Variants in PCNX1 observed in about 807,000 individuals in gnomAD.
PCNX1 encodes the protein pecanex-like protein 1.
A neutral mutation model predicts 242.2 loss-of-function variants in PCNX1; 78 were observed. The ratio of observed to expected loss-of-function variants is 0.32; its 90% CI spans 0.27 to 0.39. The LOEUF is 0.39. PCNX1 is among the 10% of genes least tolerant of loss of function. The pLI, the probability that PCNX1 is intolerant of heterozygous loss-of-function variation, is 1.00. For missense variants in PCNX1, 2,581 were observed against 2,856.5 expected (o/e 0.90, Z 2.20); for synonymous variants, 1,024 against 1,032.9 (o/e 0.99, Z 0.17).
At chr14:71,005,406 G>A (rs2059626267) in intron 8 of PCNX1, among the ~76,000 whole-genome samples, 1 of 152,048 alleles carries the variant, frequency 6.6e-6, no homozygotes, top group South Asian at 2.1e-4. Flanking sequence ...TACTCAGGAA[G>A]CTGAGGTGGG....
chr14:71,098,294 GT>G, intron 30 of PCNX1, among the ~76,000 whole-genome samples: 1 of 152,194 alleles, frequency 6.6e-6, no homozygotes, highest in South Asian at 2.1e-4. Context: ...AATTTTAGGA[GT>G]TTTTTCTAAT....
At chr14:70,964,781 C>G (rs969594804) in intron 3 of PCNX1, among the ~76,000 whole-genome samples, 1 of 152,180 alleles carries the variant, frequency 6.6e-6, no homozygotes, top group Admixed American at 6.5e-5. Context: ...TTGTTAAACA[C>G]ACAGCATACC....
intron 21 of PCNX1, among the ~76,000 whole-genome samples, 200 bp downstream of exon 21, chr14:71,047,305 C>T (rs937731571): frequency 2.0e-5 from 3 of 152,064 alleles, no homozygotes; most frequent in African/African-American, 7.2e-5. Flanking sequence ...CTCCAGACAT[C>T]TCATTGTCAA....
rs1011323612 is a variant in PCNX1 at position 70,979,830 on chromosome 14, C to G, written c.2311+1182C>G. 1.1e-4 allele frequency among the ~76,000 whole-genome samples: 17 copies of G among 152,098 alleles called. No individual in the cohort carries two copies. In the East Asian group the frequency reaches 2.9e-3, roughly 26 times the overall value. Reference sequence around the variant, plus strand: ...TCTAATGGGAACGTAAAGAAATTTTCTAGTACCTAAAGAAGAATATAGTTT... The same window carrying G: ...TCTAATGGGAACGTAAAGAAATTTTGTAGTACCTAAAGAAGAATATAGTTT... On this transcript the variant is annotated intron_variant, in intron 6 of 35. Transcript: ENST00000304743.
intron 7 of PCNX1, among the ~76,000 whole-genome samples, chr14:70,991,357 A>G (rs2059160872): frequency 6.6e-6 from 1 of 152,006 alleles, no homozygotes; most frequent in African/African-American, 2.4e-5. Flanking sequence ...GGTGCCCGCC[A>G]CCATGCCCAG....
At position 71,012,560 on chromosome 14, in the gene PCNX1, A is replaced by G. The variant is rs368743083; in HGVS notation, c.2779-425A>G. The G allele has an allele frequency of 2.5e-3, 552 of 220,334 alleles. 1 individual carries two copies. The highest frequency in any genetic ancestry group is 0.013 in the African/African-American group (534 of 42,120). 13.6% of individuals were successfully genotyped at this position (220,334 alleles called of 1,614,324 possible). A position where few individuals can be genotyped will look rare whatever the true frequency, so the allele number is the denominator to read the frequency against. ...TATTCATAAAGAGTAGGCTGGGCGCAGTGGCTCCTGCCTGTAATCCCAGCA... is the reference window on the plus strand; with the variant it reads ...TATTCATAAAGAGTAGGCTGGGCGCGGTGGCTCCTGCCTGTAATCCCAGCA... On this transcript the variant is annotated intron_variant, in intron 10 of 35. Coordinates refer to ENST00000304743, the MANE Select transcript of PCNX1 (RefSeq NM_014982.3).
chr14:71,109,088 T>C, intron 34 of PCNX1, 42 bp downstream of exon 34: 1 of 1,443,760 alleles, frequency 6.9e-7, no homozygotes, highest in Non-Finnish European at 9.4e-7. Context: ...TTTTGTTACT[T>C]ATTTGTTTTT....
chr14:71,058,732 G>T lies in PCNX1; in HGVS notation c.4852+1008G>T, dbSNP rs1473605183. Among the ~76,000 whole-genome samples, 12 of 152,292 alleles carry T rather than the reference G, an allele frequency of 7.9e-5. No homozygotes were observed. The East Asian group carries it at 2.1e-3, about 27-fold the overall frequency. On this transcript the variant is annotated intron_variant, in intron 26 of 35. Coordinates refer to ENST00000304743, the MANE Select transcript of PCNX1 (RefSeq NM_014982.3). ...TACTAGTCTAGAAGTTACACTGTTT[G>T]CTAGAAATAAATCTTTAGCTATGCA...
chr14:70,931,474 G>A (rs1177234587), intron 1 of PCNX1, among the ~76,000 whole-genome samples: 1 of 152,142 alleles, frequency 6.6e-6, no homozygotes, highest in East Asian at 1.9e-4. Context: ...AGAGTGTTAA[G>A]AAAAGTTAGT....
intron 30 of PCNX1, among the ~76,000 whole-genome samples, chr14:71,097,878 T>G (rs906614355): frequency 6.6e-6 from 1 of 152,236 alleles, no homozygotes; most frequent in Admixed American, 6.5e-5. Flanking sequence ...ACATGGTGTT[T>G]CCTAGATTTT....
intron 3 of PCNX1, 140 bp downstream of exon 3, chr14:70,962,471 T>C (rs80101227): frequency 0.038 from 21,407 of 561,858 alleles, 539 homozygotes; most frequent in Non-Finnish European, 0.053. Flanking sequence ...TAACATCTTT[T>C]ATTAATATTC....
intron 19 of PCNX1, among the ~76,000 whole-genome samples, chr14:71,038,491 C>A (rs201959206): frequency 1.3e-5 from 2 of 151,650 alleles, no homozygotes; most frequent in Admixed American, 1.3e-4. Context: ...CCATCACTGG[C>A]CATCAGAGAA....
At chr14:70,914,108 G>A (rs1183099258) in intron 1 of PCNX1, among the ~76,000 whole-genome samples, 1 of 152,144 alleles carries the variant, frequency 6.6e-6, no homozygotes, top group Non-Finnish European at 1.5e-5. Flanking sequence ...TCTACCACAT[G>A]TTCTCACTTA....
In PCNX1 at chr14:70,978,113, C is replaced by T. The variant is rs1221038967; in HGVS notation, c.1776C>T (p.His592=). 2 of 1,614,026 alleles carry T rather than the reference C, an allele frequency of 1.2e-6. No individual in the cohort carries two copies. Among genetic ancestry groups the T allele is most frequent in the Non-Finnish European group, 1.7e-6 (2 of 1,180,022 alleles). The change falls in exon 6 of 36, where the codon CAC becomes CAT. Residue 592 remains histidine, a synonymous_variant. Transcript: ENST00000304743. ...GAGGTGTTTCTGGTACCAAGCCACA[C>T]AGTGCTATATTTTGTCATGACGAAG... ...CFRGVSGTKP[H]SAIFCHDEDS...
chr14:70,985,552 G>C (rs1002450066), intron 6 of PCNX1, among the ~76,000 whole-genome samples: 1 of 152,152 alleles, frequency 6.6e-6, no homozygotes, highest in African/African-American at 2.4e-5. Context: ...TGTGAAGTCA[G>C]TCTTTTTAAC....
rs774182865 is a variant in PCNX1 at position 71,036,051 on chromosome 14, T to C, written c.3775-14T>C. 6.6e-7 allele frequency: 1 copy of C among 1,512,686 alleles called. No individual in the cohort carries two copies. The highest frequency in any genetic ancestry group is 2.3e-5 in the East Asian group (1 of 44,324). 93.7% of individuals were successfully genotyped at this position (1,512,686 alleles called of 1,614,324 possible). ...TTTATGTAATTGTTTAATAATTCTTTTTTTTCCCCACAGAGTGAGCGATTA... is the reference window on the plus strand; with the variant it reads ...TTTATGTAATTGTTTAATAATTCTTCTTTTTCCCCACAGAGTGAGCGATTA... On this transcript the variant is annotated splice_polypyrimidine_tract_variant and intron_variant, in intron 18 of 35. Coordinates refer to ENST00000304743, the MANE Select transcript of PCNX1 (RefSeq NM_014982.3).
intron 3 of PCNX1, among the ~76,000 whole-genome samples, chr14:70,967,672 T>C (rs549023923): frequency 1.3e-5 from 2 of 152,328 alleles, no homozygotes; most frequent in South Asian, 4.1e-4. Context: ...ATGTTCTGTC[T>C]ATAAAGAAGT....
intron 26 of PCNX1, among the ~76,000 whole-genome samples, chr14:71,068,592 G>A (rs12885663): frequency 0.25 from 7,859 of 31,692 alleles, 311 homozygotes; most frequent in East Asian, 0.47. Context: ...ATGTACGTGC[G>A]TGTGTGTGTG....
chr14:71,062,502 TAAA>T (rs1243471644), intron 26 of PCNX1, among the ~76,000 whole-genome samples: 2 of 151,824 alleles, frequency 1.3e-5, no homozygotes, highest in Non-Finnish European at 2.9e-5. Context: ...GTTTAAAAAT[TAAA>T]AAAATTTTAA....
Sources: gnomAD v4.1 joint callset for allele counts (sites outside exome capture counted in the v4.1 genomes callset) on GRCh38, gnomAD v4.1.1 for gene constraint, MANE v1.5 for transcripts, NCBI Gene and HGNC (gene_info 2026-07-23, HGNC 2026-07-21) for gene names.